PCDH15: variants seen among roughly 807,000 people sequenced by gnomAD.
The protein encoded by PCDH15 is protocadherin related 15, also known as protocadherin-15.
PCDH15 carries 129 observed loss-of-function variants against 178.5 expected under a neutral mutation model. The ratio of observed to expected loss-of-function variants is 0.72; its 90% confidence interval spans 0.63 to 0.84. The LOEUF is 0.84. Ranked by LOEUF, PCDH15 falls within the 40% of genes least tolerant of loss-of-function variation. The pLI is 0.00. For synonymous variants in PCDH15, 800 were observed against 732.0 expected, an observed-to-expected ratio of 1.09 and a Z score of -1.50; for missense variants, 2,230 against 2,099.9, an observed-to-expected ratio of 1.06 and a Z score of -1.21.
chr10:53,915,760 G>A (rs150838875), intron 25 of PCDH15, among the ~76,000 whole-genome samples: 3,043 of 152,122 alleles, frequency 0.02, 97 homozygotes, highest in African/African-American at 0.069. Flanking sequence ...GGGTTTCACT[G>A]TGTTGTCCAG....
chr10:55,104,070 T>TACAC (rs375370261), intron 2 of PCDH15, among the ~76,000 whole-genome samples: 13 of 151,324 alleles, frequency 8.6e-5, no homozygotes, highest in African/African-American at 3.2e-4. Context: ...TATACATACA[T>TACAC]ACACACACAC....
chr10:54,204,183 T>A (rs1264638012), intron 10 of PCDH15, among the ~76,000 whole-genome samples: 1 of 152,120 alleles, frequency 6.6e-6, no homozygotes, highest in African/African-American at 2.4e-5. Context: ...AGTCTCAGAT[T>A]TTTCTTTAGC....
intron 6 of PCDH15, among the ~76,000 whole-genome samples, chr10:54,342,197 A>T (rs1332057600): frequency 3.3e-5 from 5 of 152,140 alleles, no homozygotes; most frequent in African/African-American, 1.2e-4. Flanking sequence ...CATTTTAGGG[A>T]TCTTCATGGC....
chr10:55,381,317 A>C (rs901659544), intron 2 of PCDH15, among the ~76,000 whole-genome samples: 1 of 152,212 alleles, frequency 6.6e-6, no homozygotes, highest in Non-Finnish European at 1.5e-5. Context: ...GAGCCAGTAC[A>C]TAGCAGACAA....
intron 3 of PCDH15, among the ~76,000 whole-genome samples, chr10:54,884,176 T>C (rs1591762097): frequency 6.6e-6 from 1 of 151,958 alleles, no homozygotes; most frequent in Non-Finnish European, 1.5e-5. Flanking sequence ...TCCAGTACCC[T>C]TTTTATGTAT....
At chr10:54,367,569 C>T (rs542334271) in intron 5 of PCDH15, among the ~76,000 whole-genome samples, 4 of 151,936 alleles carry the variant, frequency 2.6e-5, no homozygotes, top group Admixed American at 6.6e-5. Flanking sequence ...GAAAACCAAA[C>T]ACCACATGTC....
chr10:54,951,888 G>A (rs575303124), intron 2 of PCDH15, among the ~76,000 whole-genome samples: 6 of 151,662 alleles, frequency 4.0e-5, no homozygotes, highest in Non-Finnish European at 8.9e-5. Context: ...ATTAGGAATT[G>A]TTTTGTTTTA....
At chr10:54,255,551 C>T (rs1378202510) in intron 8 of PCDH15, among the ~76,000 whole-genome samples, 1 of 152,020 alleles carries the variant, frequency 6.6e-6, no homozygotes, top group Non-Finnish European at 1.5e-5. Flanking sequence ...TTGAAATATT[C>T]AAACTAGTAG....
At chr10:54,380,166 T>C (rs780093899) in intron 3 of PCDH15, among the ~76,000 whole-genome samples, 4 of 152,088 alleles carry the variant, frequency 2.6e-5, no homozygotes, top group Non-Finnish European at 5.9e-5. Flanking sequence ...GAAAGAACCA[T>C]GAATCTTTTG....
At chr10:55,608,782 CAG>C (rs1843289925) in intron 2 of PCDH15, among the ~76,000 whole-genome samples, 1 of 151,926 alleles carries the variant, frequency 6.6e-6, no homozygotes, top group South Asian at 2.1e-4. Flanking sequence ...AAAAGGAACT[CAG>C]TGTGGGATAA....
At chr10:55,447,807 G>A (rs954972547) in intron 2 of PCDH15, among the ~76,000 whole-genome samples, 1 of 152,028 alleles carries the variant, frequency 6.6e-6, no homozygotes, top group African/African-American at 2.4e-5. Flanking sequence ...GAGGATTGGA[G>A]TAAGGGAAAG....
At chr10:55,084,643 C>A (rs1842120884) in intron 2 of PCDH15, among the ~76,000 whole-genome samples, 1 of 151,796 alleles carries the variant, frequency 6.6e-6, no homozygotes. Flanking sequence ...AGACAACCCA[C>A]AAAATGGGAG....
intron 1 of PCDH15, among the ~76,000 whole-genome samples, chr10:55,221,158 C>T (rs1840864729): frequency 6.6e-6 from 1 of 152,030 alleles, no homozygotes; most frequent in Non-Finnish European, 1.5e-5. Context: ...CACACACACA[C>T]ACTCACACAT....
chr10:54,344,197 G>A (rs993258381), intron 6 of PCDH15, among the ~76,000 whole-genome samples: 21 of 152,096 alleles, frequency 1.4e-4, no homozygotes, highest in Admixed American at 2.0e-4. Flanking sequence ...GTGTCATGAT[G>A]TCTTACTATT....
intron 18 of PCDH15, among the ~76,000 whole-genome samples, chr10:54,047,298 A>T (rs2093675069): frequency 6.7e-6 from 1 of 150,100 alleles, no homozygotes; most frequent in Non-Finnish European, 1.5e-5. Context: ...GTGGGTAAAG[A>T]GATGTGCTAT....
chr10:54,368,909 T>C (rs1035463731), intron 5 of PCDH15, among the ~76,000 whole-genome samples: 1 of 152,084 alleles, frequency 6.6e-6, no homozygotes, highest in Non-Finnish European at 1.5e-5. Context: ...TCTATTATTA[T>C]AAATACATTA....
chr10:54,612,123 T>C (rs1197593078), intron 2 of PCDH15, among the ~76,000 whole-genome samples: 1 of 151,798 alleles, frequency 6.6e-6, no homozygotes, highest in Non-Finnish European at 1.5e-5. Context: ...ACATCACTTT[T>C]TAAACAGAGT....
intron 21 of PCDH15, among the ~76,000 whole-genome samples, chr10:53,992,759 T>C (rs2091610481): frequency 6.6e-6 from 1 of 152,222 alleles, no homozygotes; most frequent in South Asian, 2.1e-4. Context: ...TCACTATTCA[T>C]GTCTCATGTG....
At chr10:53,923,606 A>G (rs2610852) in intron 25 of PCDH15, among the ~76,000 whole-genome samples, 2,131 of 152,322 alleles carry the variant, frequency 0.014, 45 homozygotes, top group African/African-American at 0.048. Context: ...TCTTCTACCT[A>G]CTTAATTCCC....
Sources: allele counts gnomAD v4.1 joint callset (sites outside exome capture counted in the v4.1 genomes callset), GRCh38; gene constraint gnomAD v4.1.1; transcripts MANE v1.5; gene names NCBI Gene and HGNC (gene_info 2026-07-23, HGNC 2026-07-21).